Variants in HEMK2 observed in about 807,000 individuals in gnomAD.
HEMK2 encodes HemK methyltransferase 2, ETF1 glutamine and histone H4 lysine.
chr21:28,823,021 C>A, the HEMK2 span, among the ~76,000 whole-genome samples: 1 of 152,050 alleles, frequency 6.6e-6, no homozygotes, highest in Non-Finnish European at 1.5e-5. Context: ...GTTGGCATGG[C>A]TCAGAAAACA....
the HEMK2 span, among the ~76,000 whole-genome samples, chr21:28,745,097 G>C: frequency 6.6e-6 from 1 of 152,162 alleles, no homozygotes; most frequent in Non-Finnish European, 1.5e-5. Flanking sequence ...TATGGAAAAA[G>C]TGCAAATAAA....
the HEMK2 span, among the ~76,000 whole-genome samples, chr21:28,647,133 G>A: frequency 3.3e-5 from 5 of 151,892 alleles, no homozygotes; most frequent in African/African-American, 4.8e-5. Context: ...GGAAGAAAAT[G>A]CAAAAGGTAC....
At chr21:28,707,645 C>T in the HEMK2 span, among the ~76,000 whole-genome samples, 1 of 152,030 alleles carries the variant, frequency 6.6e-6, no homozygotes, top group Non-Finnish European at 1.5e-5. Context: ...TTTTCTACTA[C>T]ATTTAGTTAA....
chr21:28,741,364 A>C, the HEMK2 span, among the ~76,000 whole-genome samples: 1 of 152,224 alleles, frequency 6.6e-6, no homozygotes, highest in South Asian at 2.1e-4. Flanking sequence ...TAGGCATTCA[A>C]ACCTACTACA....
the HEMK2 span, chr21:28,743,249 C>T: frequency 0.23 from 34,738 of 151,862 alleles, 4,603 homozygotes; most frequent in African/African-American, 0.35. Context: ...ATGGCCTCTG[C>T]GCCAGGATGA....
At chr21:28,689,281 C>T in the HEMK2 span, among the ~76,000 whole-genome samples, 1 of 152,108 alleles carries the variant, frequency 6.6e-6, no homozygotes, top group Non-Finnish European at 1.5e-5. Context: ...GATGTTAAGA[C>T]ATAATCATTT....
chr21:28,812,294 CTTA>C, the HEMK2 span, among the ~76,000 whole-genome samples: 1 of 152,038 alleles, frequency 6.6e-6, no homozygotes, highest in Non-Finnish European at 1.5e-5. Context: ...ATAAATTGCT[CTTA>C]TTATTTTGAG....
the HEMK2 span, among the ~76,000 whole-genome samples, chr21:28,842,235 T>C: frequency 1.3e-5 from 2 of 152,174 alleles, no homozygotes; most frequent in Non-Finnish European, 2.9e-5. Context: ...ATCATTATTA[T>C]ATATTACATT....
the HEMK2 span, among the ~76,000 whole-genome samples, chr21:28,598,921 T>C: frequency 3.3e-5 from 5 of 152,160 alleles, no homozygotes; most frequent in African/African-American, 1.2e-4. Flanking sequence ...AGAAGAGTAG[T>C]CCCTGTAGTT....
chr21:28,598,662 C>T, the HEMK2 span, among the ~76,000 whole-genome samples: 12 of 152,132 alleles, frequency 7.9e-5, no homozygotes, highest in Admixed American at 6.5e-4. Context: ...CCTGCAAGTC[C>T]GCAAGTCCTT....
At chr21:28,677,801 C>T in the HEMK2 span, among the ~76,000 whole-genome samples, 1 of 152,234 alleles carries the variant, frequency 6.6e-6, no homozygotes, top group Non-Finnish European at 1.5e-5. Context: ...TGGAGTGGAC[C>T]TCCAGCAAAC....
the HEMK2 span, among the ~76,000 whole-genome samples, chr21:28,772,499 C>A: frequency 3.9e-5 from 6 of 152,094 alleles, no homozygotes; most frequent in African/African-American, 1.4e-4. Context: ...TTATCCAATT[C>A]TGGGTAAAGG....
At chr21:28,638,812 C>T in the HEMK2 span, among the ~76,000 whole-genome samples, 1 of 152,098 alleles carries the variant, frequency 6.6e-6, no homozygotes, top group Non-Finnish European at 1.5e-5. Flanking sequence ...TCATATGCAC[C>T]AGCACGCTAG....
chr21:28,675,315 T>C, the HEMK2 span, among the ~76,000 whole-genome samples: 1 of 152,292 alleles, frequency 6.6e-6, no homozygotes, highest in South Asian at 2.1e-4. Flanking sequence ...TAAAAGATAA[T>C]AAATGAATAC....
chr21:28,722,662 A>C, the HEMK2 span, among the ~76,000 whole-genome samples: 5 of 152,164 alleles, frequency 3.3e-5, no homozygotes, highest in Non-Finnish European at 7.4e-5. Context: ...CAGGCGGATG[A>C]CCTGAGGTCG....
At chr21:28,796,848 A>G in the HEMK2 span, among the ~76,000 whole-genome samples, 1 of 152,184 alleles carries the variant, frequency 6.6e-6, no homozygotes, top group Non-Finnish European at 1.5e-5. Flanking sequence ...GGGATTACGG[A>G]CATGAACCAC....
At chr21:28,870,399 T>C in the HEMK2 span, among the ~76,000 whole-genome samples, 1 of 149,456 alleles carries the variant, frequency 6.7e-6, no homozygotes, top group East Asian at 1.9e-4. Context: ...ATTTTCAAAA[T>C]GTCATTTCTT....
At chr21:28,597,583 C>T in the HEMK2 span, among the ~76,000 whole-genome samples, 2 of 152,144 alleles carry the variant, frequency 1.3e-5, no homozygotes, top group East Asian at 3.8e-4. Flanking sequence ...ACATCATTAA[C>T]TAGGCAGTAC....
chr21:28,850,700 C>CA, the HEMK2 span, among the ~76,000 whole-genome samples: 7 of 152,152 alleles, frequency 4.6e-5, no homozygotes, highest in Non-Finnish European at 8.8e-5. Context: ...TACTGGCCAC[C>CA]ACAAAAACAC....
Sources: allele counts gnomAD v4.1 joint callset (sites outside exome capture counted in the v4.1 genomes callset), GRCh38; gene constraint gnomAD v4.1.1; transcripts MANE v1.5; gene names NCBI Gene and HGNC (gene_info 2026-07-23, HGNC 2026-07-21).